FGFR2: variants seen among roughly 807,000 people sequenced by gnomAD.
FGFR2 encodes the protein fibroblast growth factor receptor 2.
FGFR2 carries 19 observed loss-of-function variants against 95.9 expected under a neutral mutation model. That is an observed-to-expected ratio of 0.20 (90% CI 0.14 to 0.29). FGFR2 has a LOEUF of 0.29. Ranked by LOEUF, FGFR2 falls within the 10% of genes least tolerant of loss-of-function variation. The probability of loss-of-function intolerance (pLI) is 1.00; values close to 1 mark genes in which losing one functional copy is unlikely to be tolerated. For missense variants in FGFR2, 707 were observed against 1,056.9 expected (o/e 0.67, Z 4.59); for synonymous variants, 392 against 393.3 (o/e 1.00, Z 0.04).
At chr10:121,556,823 C>A (rs1856233345) in intron 4 of FGFR2, among the ~76,000 whole-genome samples, 1 of 152,150 alleles carries the variant, frequency 6.6e-6, no homozygotes, top group Non-Finnish European at 1.5e-5. Flanking sequence ...TCTAAAGCCC[C>A]ACTAAAGCCT....
chr10:121,485,671 C>T lies in FGFR2; in HGVS notation c.2058-139G>A, dbSNP rs1845316926. 3.7e-6 allele frequency: 4 copies of T among 1,072,606 alleles called. No homozygotes were observed. The highest frequency in any genetic ancestry group is 2.8e-6 in the Non-Finnish European group (2 of 721,488). The allele number at this position is 1,072,606 out of a possible 1,614,324, so 66.4% of individuals were successfully genotyped here. Reference sequence around the variant, plus strand: ...GCCCTCCTGCAGTTCCTCCTATGTGCTCTTTCCTGCCCTGCAAGAGCATCC... The same window carrying T: ...GCCCTCCTGCAGTTCCTCCTATGTGTTCTTTCCTGCCCTGCAAGAGCATCC... On this transcript the variant is annotated intron_variant, in intron 15 of 17. Coordinates refer to ENST00000358487, the MANE Select transcript of FGFR2 (RefSeq NM_000141.5). This position sits in a 1 kb window ranked among gnomAD's most constrained non-coding sequence, Gnocchi z 4.2.
rs1336138257 is a variant in FGFR2, at chr10:121,478,405, G to A, written c.*1452C>T. ...ATCTGTAGAAACATTTTTATTGTCA[G>A]TATAAAAATTAACAGGTTTTATTAA... is the stretch of plus-strand genomic sequence containing the variant. On this transcript the variant is annotated 3_prime_UTR_variant, in exon 18 of 18. Transcript: ENST00000358487. 4.3e-6 allele frequency: 1 copy of A among 233,028 alleles called. No individual in the cohort carries two copies. The highest frequency in any genetic ancestry group is 8.5e-6 in the Non-Finnish European group (1 of 117,778). 14.4% of individuals were successfully genotyped at this position (233,028 alleles called of 1,614,324 possible).
Position 121,598,352 on chromosome 10 carries a change from G to A in FGFR2, c.-541C>T, listed in dbSNP as rs1863745628. On this transcript the variant is annotated 5_prime_UTR_variant, in exon 1 of 18. Coordinates refer to ENST00000358487, the MANE Select transcript of FGFR2 (RefSeq NM_000141.5). ...CGCCGGGCCAGGTACGCCGCATGCA[G>A]CCCCGCGGCGCCCGAGCTTTGTGGC... 9.0e-6 allele frequency: 2 copies of A among 221,006 alleles called. No homozygotes were observed. Among genetic ancestry groups the A allele is most frequent in the Non-Finnish European group, 1.8e-5 (2 of 113,204 alleles). 13.7% of individuals were successfully genotyped at this position (221,006 alleles called of 1,614,324 possible). A position where few individuals can be genotyped will look rare whatever the true frequency, so the allele number is the denominator to read the frequency against.
chr10:121,558,646 C>T (rs763451657), intron 4 of FGFR2, among the ~76,000 whole-genome samples: 49 of 145,296 alleles, frequency 3.4e-4, no homozygotes, highest in Non-Finnish European at 6.5e-4. Context: ...CTCACTCTGT[C>T]GCCCAGGCTG....
At chr10:121,500,771 T>TCTTGATAAGACTCTCCACCCAGCCCCTC in intron 11 of FGFR2, 55 bp downstream of exon 11, 1 of 1,607,568 alleles carries the variant, frequency 6.2e-7, no homozygotes, top group Non-Finnish European at 8.5e-7. Flanking sequence ...AAAGGAACTT[T>TCTTGATAAGACTCTCCACCCAGCCCCTC]CTTGATAAGA....
At chr10:121,510,399 A>G (rs1863740) in intron 9 of FGFR2, among the ~76,000 whole-genome samples, 151,674 of 152,300 alleles carry the variant, frequency 1, 75,527 homozygotes, top group Middle Eastern at 1. Flanking sequence ...GGCAGGGAGG[A>G]TGAGGTGCCC....
chr10:121,556,128 G>A (rs753417481), intron 4 of FGFR2, among the ~76,000 whole-genome samples: 16 of 150,380 alleles, frequency 1.1e-4, no homozygotes, highest in Non-Finnish European at 1.9e-4. Flanking sequence ...ATGGATGGAT[G>A]GACGGACGGA....
At chr10:121,499,808 G>A (rs1395309758) in intron 11 of FGFR2, among the ~76,000 whole-genome samples, 1 of 152,194 alleles carries the variant, frequency 6.6e-6, no homozygotes, top group Admixed American at 6.5e-5. Context: ...TCCAAGGTGG[G>A]GAACATCTCA....
At position 121,502,528 on chromosome 10, in the gene FGFR2, A is replaced by C. The variant is rs142159051; in HGVS notation, c.1439+1262T>G. Among the ~76,000 whole-genome samples, 298 of 152,300 alleles carry C rather than the reference A, an allele frequency of 2.0e-3. 1 individual carries two copies. The highest frequency in any genetic ancestry group is 6.6e-3 in the African/African-American group (275 of 41,572). ...ACTTGGGAAACAAAACTGATGTGAC[A>C]TCACGTGAATCAAAATCAGAAGTGC... is the stretch of plus-strand genomic sequence containing the variant. On this transcript the variant is annotated intron_variant, in intron 10 of 17. Transcript: ENST00000358487.
intron 2 of FGFR2, among the ~76,000 whole-genome samples, chr10:121,589,037 C>T (rs1018576923): frequency 9.2e-5 from 14 of 152,202 alleles, no homozygotes; most frequent in African/African-American, 3.4e-4. Context: ...TGTGGAATAG[C>T]CTAAAAAACT....
chr10:121,512,293 C>T (rs528910248), intron 9 of FGFR2, among the ~76,000 whole-genome samples: 74 of 152,104 alleles, frequency 4.9e-4, no homozygotes, highest in Non-Finnish European at 9.3e-4. Context: ...TCCAGATACC[C>T]GATAAGCATC....
chr10:121,524,828 C>A (rs2134390370), intron 6 of FGFR2, among the ~76,000 whole-genome samples: 1 of 152,316 alleles, frequency 6.6e-6, no homozygotes. Flanking sequence ...TTCTCCCCAC[C>A]AGGAACCTCC....
chr10:121,549,946 C>A (rs1368921868), intron 5 of FGFR2, among the ~76,000 whole-genome samples: 1 of 152,200 alleles, frequency 6.6e-6, no homozygotes, highest in Non-Finnish European at 1.5e-5. Context: ...AGCTACCATA[C>A]CTTGGGGCAA....
intron 6 of FGFR2, among the ~76,000 whole-genome samples, chr10:121,524,146 A>ACACACACCC (rs142755962): frequency 1.0e-4 from 14 of 136,888 alleles, no homozygotes; most frequent in Non-Finnish European, 1.5e-4. Context: ...ACACACACAC[A>ACACACACCC]CCCCAAGTTT....
In FGFR2 at chr10:121,594,064, C is replaced by T. The variant is rs537151744; in HGVS notation, c.-150-97G>A. The stretch of plus-strand genomic sequence containing the variant: ...ACCATTTTTCAGCCTCTCAAATGTG[C>T]GCAAACAGAGTTCTTTTTCATTATC... On this transcript the variant is annotated intron_variant, in intron 1 of 17. Coordinates refer to ENST00000358487, the MANE Select transcript of FGFR2 (RefSeq NM_000141.5). 93 of 590,006 alleles carry T rather than the reference C, an allele frequency of 1.6e-4. 1 individual carries two copies. Among genetic ancestry groups the T allele is most frequent in the African/African-American group, 1.2e-3 (64 of 53,952 alleles). 36.5% of individuals were successfully genotyped at this position (590,006 alleles called of 1,614,324 possible). A position where few individuals can be genotyped will look rare whatever the true frequency, so the allele number is the denominator to read the frequency against.
Position 121,511,172 on chromosome 10 carries a change from G to GA in FGFR2, c.1287+3944dup, listed in dbSNP as rs535942691. The stretch of plus-strand genomic sequence containing the variant: ...AGCTGAGAAGGTGAAACTAAAGTCT[G>GA]AAAAAAACAAAAAAAAAACCACCCT... On this transcript the variant is annotated intron_variant, in intron 9 of 17. Transcript: ENST00000358487. Among the ~76,000 whole-genome samples the GA allele has an allele frequency of 2.2e-3, 336 of 149,910 alleles. 1 individual carries two copies. Among genetic ancestry groups the GA allele is most frequent in the African/African-American group, 7.5e-3 (305 of 40,846 alleles).
At chr10:121,496,499 T>A (rs1564874796) in intron 13 of FGFR2, 33 bp downstream of exon 13, 1 of 1,609,948 alleles carries the variant, frequency 6.2e-7, no homozygotes, top group African/African-American at 1.3e-5. Flanking sequence ...TTAGTTGGAT[T>A]CCACCCAGCC....
intron 6 of FGFR2, among the ~76,000 whole-genome samples, chr10:121,523,488 C>T (rs1425866769): frequency 3.9e-5 from 6 of 152,126 alleles, no homozygotes; most frequent in Non-Finnish European, 5.9e-5. Flanking sequence ...AGTCCGCGCA[C>T]GAACAGACAC....
At chr10:121,507,429 G>T (rs1589793922) in intron 9 of FGFR2, among the ~76,000 whole-genome samples, 1 of 152,114 alleles carries the variant, frequency 6.6e-6, no homozygotes, top group African/African-American at 2.4e-5. Flanking sequence ...CTCTACTAAA[G>T]ATAGAAAAGT....
Sources: allele counts gnomAD v4.1 joint callset (sites outside exome capture counted in the v4.1 genomes callset), GRCh38; gene constraint gnomAD v4.1.1; non-coding constraint Gnocchi (gnomAD v3.1); transcripts MANE v1.5; gene names NCBI Gene and HGNC (gene_info 2026-07-23, HGNC 2026-07-21).